The following ADH5 variants were observed in gnomAD, a reference collection of about 807,000 sequenced individuals.
ADH5 encodes the protein alcohol dehydrogenase 5 (class III), chi polypeptide, also known as alcohol dehydrogenase class-3.
Under a neutral mutation model 40.3 loss-of-function variants are expected in ADH5, and 32 were observed. The ratio of observed to expected loss-of-function variants is 0.79; its 90% CI spans 0.60 to 1.07. ADH5 has a LOEUF of 1.07. ADH5 is among the 50% of genes least tolerant of loss of function. ADH5 has a pLI of 0.00. For missense variants in ADH5, 353 were observed against 460.5 expected, an observed-to-expected ratio of 0.77 and a Z score of 2.14; for synonymous variants, 125 against 154.3, an observed-to-expected ratio of 0.81 and a Z score of 1.41.
rs764304784 is a variant in ADH5 at position 99,085,110 on chromosome 4, A to G, written c.114+5T>C. ...TTTTTCCCAGTGCCTTAAATGTATC[A>G]TTACCTTGATTCGAACTTCATGAGC... On this transcript the variant is annotated splice_donor_5th_base_variant and intron_variant, in intron 2 of 8. Transcript: ENST00000296412. The G allele has an allele frequency of 1.4e-6, 2 of 1,478,862 alleles. No homozygotes were observed. Among genetic ancestry groups the G allele is most frequent in the Non-Finnish European group, 9.0e-7 (1 of 1,106,522 alleles). The allele number at this position is 1,478,862 out of a possible 1,614,324, so 91.6% of individuals were successfully genotyped here.
Position 99,076,803 on chromosome 4 carries a change from G to C in ADH5, c.465C>G (p.Ile155Met). Residue 155 changes from isoleucine to methionine, a missense_variant, in exon 5 of 9, where the codon ATC becomes ATG. Transcript: ENST00000296412. ...CTAAAGGATCTATTTTAGCAACAGA[G>C]ATATCAGCCACAACTGTGTATTCAG... ...TFSEYTVVAD[I>M]SVAKIDPLAP... 1 of 1,613,974 alleles carries C rather than the reference G, an allele frequency of 6.2e-7. No individual in the cohort carries two copies. The highest frequency in any genetic ancestry group is 8.5e-7 in the Non-Finnish European group (1 of 1,179,866).
intron 4 of ADH5, 95 bp downstream of exon 4, chr4:99,081,270 T>C: frequency 2.8e-6 from 2 of 723,934 alleles, no homozygotes; most frequent in Non-Finnish European, 4.5e-6. Context: ...TGAACCTAAA[T>C]TATTAAATAA....
chr4:99,072,414 G>GA lies in ADH5; in HGVS notation c.*2dup. The GA allele has an allele frequency of 2.5e-6, 4 of 1,612,924 alleles. No homozygotes were observed. Among genetic ancestry groups the GA allele is most frequent in the Non-Finnish European group, 3.4e-6 (4 of 1,179,342 alleles). On this transcript the variant is annotated 3_prime_UTR_variant, in exon 9 of 9. Transcript: ENST00000296412. The stretch of plus-strand genomic sequence containing the variant: ...AGGATGGACATTATTTTTCTCTTTT[G>GA]AATTAAATCTTTACAACAGTTCGAA...
intron 4 of ADH5, 103 bp downstream of exon 4, chr4:99,081,262 A>G: frequency 3.7e-6 from 3 of 801,586 alleles, no homozygotes; most frequent in Non-Finnish European, 6.2e-6. Flanking sequence ...TGGGTTAATG[A>G]ACCTAAATTA....
In ADH5 at chr4:99,088,763, CA is replaced by C; in HGVS notation, c.-64del. Reference sequence around the variant, plus strand: ...GGGGTGGGCCGCGCAGCGACGGAGGCATGGGCGTGGCGAGCGCCTAGCGAGG... The same window carrying C: ...GGGGTGGGCCGCGCAGCGACGGAGGCTGGGCGTGGCGAGCGCCTAGCGAGG... On this transcript the variant is annotated 5_prime_UTR_variant, in exon 1 of 9. It removes an upstream start codon present in the reference 5' UTR. Coordinates refer to ENST00000296412, the MANE Select transcript of ADH5 (RefSeq NM_000671.4). 1 of 1,146,004 alleles carries C rather than the reference CA, an allele frequency of 8.7e-7. No individual in the cohort carries two copies. The allele number at this position is 1,146,004 out of a possible 1,614,324, so 71.0% of individuals were successfully genotyped here. A position where few individuals can be genotyped will look rare whatever the true frequency, so the allele number is the denominator to read the frequency against.
intron 1 of ADH5, among the ~76,000 whole-genome samples, chr4:99,088,108 C>T (rs1436690680): frequency 1.3e-5 from 2 of 152,120 alleles, no homozygotes; most frequent in East Asian, 3.9e-4. Flanking sequence ...GGGGATAACA[C>T]CTCGCAGAGG....
intron 1 of ADH5, 108 bp downstream of exon 1, chr4:99,088,581 G>A (rs1728197252): frequency 1.1e-5 from 13 of 1,208,290 alleles, no homozygotes; most frequent in Non-Finnish European, 1.5e-5. Flanking sequence ...CCAAGAGCCA[G>A]ATCCCGTCTT....
At chr4:99,080,921 G>A (rs1166773503) in intron 4 of ADH5, among the ~76,000 whole-genome samples, 4 of 152,242 alleles carry the variant, frequency 2.6e-5, no homozygotes, top group Admixed American at 2.0e-4. Context: ...AACTCCCCCT[G>A]AGGAAGAGAA....
chr4:99,088,365 C>A (rs1304229749), intron 1 of ADH5, among the ~76,000 whole-genome samples: 3 of 152,174 alleles, frequency 2.0e-5, no homozygotes, highest in African/African-American at 7.2e-5. Context: ...GTGTAAGAAG[C>A]AATGCGTGGC....
chr4:99,085,550 G>A, intron 1 of ADH5: 1 of 322,738 alleles, frequency 3.1e-6, no homozygotes, highest in Non-Finnish European at 6.1e-6. Context: ...CTGGCATGGG[G>A]TCCAAGAAAT....
chr4:99,084,658 A>G (rs1272444076), intron 2 of ADH5, among the ~76,000 whole-genome samples: 2 of 152,204 alleles, frequency 1.3e-5, no homozygotes. Context: ...CTTCTCTAAT[A>G]AACTTGCTTC....
chr4:99,082,840 C>CT (rs1452393488), intron 2 of ADH5, among the ~76,000 whole-genome samples: 7 of 152,100 alleles, frequency 4.6e-5, no homozygotes, highest in Non-Finnish European at 1.0e-4. Flanking sequence ...CCAGGCCTGG[C>CT]TAATTTTTTA....
chr4:99,072,782 A>C, intron 7 of ADH5, 71 bp from the exon 8 acceptor site: 2 of 1,426,088 alleles, frequency 1.4e-6, no homozygotes, highest in East Asian at 2.3e-5. Context: ...TGAGGACAAA[A>C]GGCATTTAAA....
rs1375450551 is a variant in ADH5, at chr4:99,072,457, A to G, written c.1101-16T>C. On this transcript the variant is annotated splice_polypyrimidine_tract_variant and intron_variant, in intron 8 of 8. Coordinates refer to ENST00000296412, the MANE Select transcript of ADH5 (RefSeq NM_000671.4). ...AGTTCGAATGCTGTAAAAGGAAGCA[A>G]CATACTAAGTTTTAAATGATACCTT... is the stretch of plus-strand genomic sequence containing the variant. 1.2e-6 allele frequency: 2 copies of G among 1,612,908 alleles called. No homozygotes were observed. The highest frequency in any genetic ancestry group is 8.5e-7 in the Non-Finnish European group (1 of 1,179,120).
chr4:99,085,082 C>T, intron 2 of ADH5, 33 bp downstream of exon 2: 1 of 1,229,594 alleles, frequency 8.1e-7, no homozygotes, highest in South Asian at 1.9e-5. Flanking sequence ...CATTGTGTCT[C>T]TTTTTTTCCC....
chr4:99,082,708 G>A (rs927700772), intron 2 of ADH5, among the ~76,000 whole-genome samples: 4 of 151,956 alleles, frequency 2.6e-5, no homozygotes, highest in African/African-American at 4.8e-5. Context: ...CAAGAGTCTC[G>A]CTCTATCACC....
At chr4:99,085,549 G>A (rs1728119086) in intron 1 of ADH5, 3 of 319,730 alleles carry the variant, frequency 9.4e-6, no homozygotes, top group African/African-American at 2.2e-5. Flanking sequence ...TCTGGCATGG[G>A]GTCCAAGAAA....
In ADH5 at chr4:99,072,263, T is replaced by G. The variant is rs1727848212; in HGVS notation, c.*154A>C. 1 of 606,404 alleles carries G rather than the reference T, an allele frequency of 1.6e-6. No individual in the cohort carries two copies. Among genetic ancestry groups the G allele is most frequent in the South Asian group, 3.0e-5 (1 of 33,890 alleles). 37.6% of individuals were successfully genotyped at this position (606,404 alleles called of 1,614,324 possible). On this transcript the variant is annotated 3_prime_UTR_variant, in exon 9 of 9. Coordinates refer to ENST00000296412, the MANE Select transcript of ADH5 (RefSeq NM_000671.4). ...GTTCATGACTGAATTATCCTTGTCC[T>G]TGATTATAGAGATTCATGAATGACA...
chr4:99,077,989 T>C (rs929931305), intron 4 of ADH5, among the ~76,000 whole-genome samples: 16 of 152,204 alleles, frequency 1.1e-4, no homozygotes, highest in Admixed American at 6.5e-4. Context: ...AAAAGTCTAA[T>C]GAGATGTTAT....
Sources: allele counts gnomAD v4.1 joint callset (sites outside exome capture counted in the v4.1 genomes callset), GRCh38; gene constraint gnomAD v4.1.1; transcripts MANE v1.5; gene names NCBI Gene and HGNC (gene_info 2026-07-23, HGNC 2026-07-21).